NPAS3: variants seen among roughly 807,000 people sequenced by gnomAD.
The protein encoded by NPAS3 is neuronal PAS domain protein 3, also known as neuronal PAS domain-containing protein 3.
NPAS3 carries 14 observed loss-of-function variants against 73.1 expected under a neutral mutation model. The ratio of observed to expected loss-of-function variants is 0.19; its 90% CI spans 0.13 to 0.30. NPAS3 has a LOEUF of 0.30. Ranked by LOEUF, NPAS3 falls within the 10% of genes least tolerant of loss-of-function variation. The probability of loss-of-function intolerance (pLI) is 1.00; values close to 1 mark genes in which losing one functional copy is unlikely to be tolerated. For synonymous variants in NPAS3, 620 were observed against 541.5 expected, an observed-to-expected ratio of 1.14 and a Z score of -2.01; for missense variants, 1,096 against 1,250.0, an observed-to-expected ratio of 0.88 and a Z score of 1.86.
chr14:33,215,146 A>G (rs746277693), intron 2 of NPAS3, 36 bp from the exon 3 acceptor site: 1 of 1,606,304 alleles, frequency 6.2e-7, no homozygotes, highest in South Asian at 1.1e-5. Context: ...AGAGTCACAT[A>G]TTCTAAACCA....
At chr14:33,646,659 G>T (rs1443520788) in intron 5 of NPAS3, among the ~76,000 whole-genome samples, 1 of 152,136 alleles carries the variant, frequency 6.6e-6, no homozygotes, top group Non-Finnish European at 1.5e-5. Flanking sequence ...TGTCCAAGTT[G>T]AATAGTCCAT....
intron 2 of NPAS3, among the ~76,000 whole-genome samples, chr14:33,112,886 G>A (rs1459479150): frequency 2.6e-5 from 4 of 152,178 alleles, no homozygotes; most frequent in East Asian, 3.9e-4. Flanking sequence ...TCTACATATG[G>A]CTAGCCAGTT....
chr14:33,108,559 T>C (rs2138943339), intron 2 of NPAS3, among the ~76,000 whole-genome samples: 1 of 152,288 alleles, frequency 6.6e-6, no homozygotes, highest in South Asian at 2.1e-4. Flanking sequence ...GCTGTGAGTT[T>C]TGTCTTAAGA....
chr14:33,692,836 TAAAAAAAAA>T (rs34684535), intron 6 of NPAS3, among the ~76,000 whole-genome samples: 11 of 64,052 alleles, frequency 1.7e-4, no homozygotes, highest in East Asian at 7.0e-4. Context: ...CCCAATGTCT[TAAAAAAAAA>T]AAAAAAAAAA....
At chr14:33,799,572 A>G (rs1293779739) in intron 11 of NPAS3, among the ~76,000 whole-genome samples, 162 bp from the exon 12 acceptor site, 2 of 152,198 alleles carry the variant, frequency 1.3e-5, no homozygotes, top group African/African-American at 4.8e-5. Flanking sequence ...CCCAGGTCTT[A>G]AGTCCTCTGA....
At chr14:33,707,819 G>A (rs1412526796) in intron 6 of NPAS3, among the ~76,000 whole-genome samples, 2 of 152,116 alleles carry the variant, frequency 1.3e-5, no homozygotes, top group South Asian at 2.1e-4. Context: ...TCAGGGTGTC[G>A]GGAGAAGCTG....
At chr14:33,043,248 G>GT (rs2040402287) in intron 1 of NPAS3, among the ~76,000 whole-genome samples, 1 of 152,020 alleles carries the variant, frequency 6.6e-6, no homozygotes, top group African/African-American at 2.4e-5. Context: ...ATAAAACATT[G>GT]TTTTTTAGGA....
intron 4 of NPAS3, among the ~76,000 whole-genome samples, chr14:33,449,887 T>C (rs892699582): frequency 6.6e-5 from 10 of 152,322 alleles, no homozygotes; most frequent in African/African-American, 2.2e-4. Context: ...GCTGTGGATA[T>C]TATTGTTGAA....
At chr14:33,059,598 T>A (rs2041018529) in intron 2 of NPAS3, among the ~76,000 whole-genome samples, 1 of 152,200 alleles carries the variant, frequency 6.6e-6, no homozygotes, top group Non-Finnish European at 1.5e-5. Flanking sequence ...CCTCCTTTCC[T>A]TTTTAGTGGT....
chr14:33,749,153 G>A (rs7143440), intron 7 of NPAS3, among the ~76,000 whole-genome samples: 21,520 of 152,102 alleles, frequency 0.14, 3,548 homozygotes, highest in African/African-American at 0.4. Flanking sequence ...AAGACAAAAA[G>A]TAATAGTGAT....
intron 1 of NPAS3, among the ~76,000 whole-genome samples, chr14:32,962,920 GC>G (rs1434454006): frequency 6.8e-6 from 1 of 146,022 alleles, no homozygotes; most frequent in Admixed American, 6.9e-5. Flanking sequence ...TCACTATATT[GC>G]CCATGCTGGC....
chr14:33,777,481 C>A (rs1172454494), intron 8 of NPAS3, among the ~76,000 whole-genome samples: 1 of 151,484 alleles, frequency 6.6e-6, no homozygotes, highest in African/African-American at 2.4e-5. Flanking sequence ...AACTCTCCAA[C>A]AATGATCACA....
chr14:33,512,993 G>C (rs553679019), intron 4 of NPAS3, among the ~76,000 whole-genome samples: 1 of 151,982 alleles, frequency 6.6e-6, no homozygotes. Flanking sequence ...CAATTTTGAT[G>C]CTCTTTCTCC....
intron 2 of NPAS3, among the ~76,000 whole-genome samples, chr14:33,131,906 G>C (rs1454031387): frequency 6.6e-6 from 1 of 152,088 alleles, no homozygotes; most frequent in African/African-American, 2.4e-5. Flanking sequence ...AGAGAAAGTG[G>C]GACAAGTCAT....
chr14:32,997,760 T>TAAAA (rs36083770), intron 1 of NPAS3, among the ~76,000 whole-genome samples: 9 of 112,754 alleles, frequency 8.0e-5, no homozygotes, highest in Non-Finnish European at 9.6e-5. Flanking sequence ...CCGTCTCTAC[T>TAAAA]AAAAAAAAAA....
chr14:33,561,908 G>T (rs1394593494), intron 5 of NPAS3, among the ~76,000 whole-genome samples: 1 of 152,198 alleles, frequency 6.6e-6, no homozygotes, highest in African/African-American at 2.4e-5. Context: ...CAAGGCAACT[G>T]CATTTTCTGT....
intron 4 of NPAS3, among the ~76,000 whole-genome samples, chr14:33,386,012 T>G (rs1374450691): frequency 6.6e-6 from 1 of 151,974 alleles, no homozygotes; most frequent in Non-Finnish European, 1.5e-5. Flanking sequence ...GTTGTAGTGA[T>G]GAGGAATGTA....
intron 2 of NPAS3, among the ~76,000 whole-genome samples, chr14:33,211,891 G>T (rs1439082811): frequency 8.5e-5 from 13 of 152,132 alleles, no homozygotes; most frequent in Admixed American, 8.5e-4. Flanking sequence ...GCAATGGGAA[G>T]TTTAGGCCCA....
intron 4 of NPAS3, among the ~76,000 whole-genome samples, chr14:33,418,199 A>T (rs1157294282): frequency 6.6e-6 from 1 of 151,952 alleles, no homozygotes; most frequent in Non-Finnish European, 1.5e-5. Flanking sequence ...TAACCAGTAA[A>T]GTAATTGGTG....
Sources: gnomAD v4.1 joint callset for allele counts (sites outside exome capture counted in the v4.1 genomes callset) on GRCh38, gnomAD v4.1.1 for gene constraint, MANE v1.5 for transcripts, NCBI Gene and HGNC (gene_info 2026-07-23, HGNC 2026-07-21) for gene names.